PARD3B: variants seen among roughly 807,000 people sequenced by gnomAD.
PARD3B encodes par-3 family cell polarity regulator beta.
In PARD3B, 103 loss-of-function variants were observed where a neutral mutation model predicts 130.2. The ratio of observed to expected loss-of-function variants is 0.79; its 90% CI spans 0.67 to 0.93. The LOEUF (loss-of-function observed/expected upper bound fraction) is 0.93, where lower values mean the gene tolerates loss of function less well. Ranked by LOEUF, PARD3B falls within the 40% of genes least tolerant of loss-of-function variation. The pLI is 0.00. For missense variants in PARD3B, 1,609 were observed against 1,499.2 expected (o/e 1.07, Z -1.21); for synonymous variants, 583 against 553.2 (o/e 1.05, Z -0.76).
intron 3 of PARD3B, among the ~76,000 whole-genome samples, chr2:204,992,029 C>T (rs1693750182): frequency 6.6e-6 from 1 of 151,898 alleles, no homozygotes; most frequent in Non-Finnish European, 1.5e-5. Context: ...TTGTAGGTTG[C>T]CTGTTTACTC....
At chr2:204,991,720 A>G (rs1244143988) in intron 3 of PARD3B, among the ~76,000 whole-genome samples, 2 of 151,514 alleles carry the variant, frequency 1.3e-5, no homozygotes, top group Admixed American at 6.6e-5. Context: ...CTATTTCTCC[A>G]CATCCTCTCC....
chr2:205,422,002 C>T (rs932505919), intron 19 of PARD3B, among the ~76,000 whole-genome samples: 1 of 152,140 alleles, frequency 6.6e-6, no homozygotes, highest in Non-Finnish European at 1.5e-5. Flanking sequence ...ATAGACAAGT[C>T]AAACAAGGAC....
intron 20 of PARD3B, among the ~76,000 whole-genome samples, chr2:205,485,573 T>A (rs1575137434): frequency 6.6e-6 from 1 of 152,188 alleles, no homozygotes; most frequent in Admixed American, 6.5e-5. Context: ...AGAGCTAGCG[T>A]CTCCCAGAGT....
At chr2:205,212,308 G>A (rs137950891) in intron 15 of PARD3B, among the ~76,000 whole-genome samples, 2 of 152,228 alleles carry the variant, frequency 1.3e-5, no homozygotes, top group African/African-American at 4.8e-5. Context: ...ACAACCATTA[G>A]TGCATGTTTT....
intron 3 of PARD3B, among the ~76,000 whole-genome samples, chr2:205,023,941 G>A (rs993575864): frequency 1.3e-5 from 2 of 152,006 alleles, no homozygotes; most frequent in Non-Finnish European, 2.9e-5. Context: ...TTTGAATCCT[G>A]TTTCTACCAT....
In PARD3B at chr2:205,078,385, T is replaced by C. The variant is rs1701201129; in HGVS notation, c.505-26041T>C. Among the ~76,000 whole-genome samples, 1 of 152,204 alleles carries C rather than the reference T, an allele frequency of 6.6e-6. No homozygotes were observed. On this transcript the variant is annotated intron_variant, in intron 4 of 22. Transcript: ENST00000406610. This position sits in a 1 kb window ranked among gnomAD's most constrained non-coding sequence, Gnocchi z 4.0. ...ATTGTATGGTTTTCCTTTTATGTTT[T>C]CAGGTGAGAGTATTTCTTTTCTAAA...
At chr2:205,104,596 AC>A in intron 5 of PARD3B, 82 bp downstream of exon 5, 1 of 977,700 alleles carries the variant, frequency 1.0e-6, no homozygotes, top group Non-Finnish European at 1.6e-6. Context: ...TTCTTACTTT[AC>A]AAGAAAGATC....
rs1401555088 is a variant in PARD3B, at chr2:205,265,948, T to C, written c.2185+20126T>C. 6.6e-6 allele frequency among the ~76,000 whole-genome samples: 1 copy of C among 152,076 alleles called. No individual in the cohort carries two copies. Among genetic ancestry groups the C allele is most frequent in the African/African-American group, 2.4e-5 (1 of 41,436 alleles). On this transcript the variant is annotated intron_variant, in intron 16 of 22. Transcript: ENST00000406610. This position sits in a 1 kb window ranked among gnomAD's most constrained non-coding sequence, Gnocchi z 4.3. ...TTGAGAGAAGGGCTTTTGATTTTTG[T>C]TAAAAGCAGCATGCACATCCTATAA...
At chr2:205,344,925 C>A (rs2043694515) in intron 18 of PARD3B, among the ~76,000 whole-genome samples, 1 of 152,096 alleles carries the variant, frequency 6.6e-6, no homozygotes, top group Admixed American at 6.5e-5. Context: ...TTTAACTCTT[C>A]CTCCCCCTTC....
chr2:205,401,039 G>C lies in PARD3B; in HGVS notation c.2657G>C (p.Gly886Ala), dbSNP rs748654305. 3.4e-5 allele frequency: 54 copies of C among 1,601,598 alleles called. No homozygotes were observed. Among genetic ancestry groups the C allele is most frequent in the Admixed American group, 2.6e-4 (15 of 58,536 alleles). ...LRFGKKKEDK[G>A]GKAEQKGTLK... is the part of the protein sequence containing the mutation. ...TTTGGAAAGAAGAAAGAGGATAAGG[G>C]TGGAAAGGCTGAGCAGAAAGGTACT... The change falls in exon 19 of 23, where the codon GGT becomes GCT. Residue 886 changes from glycine (G) to alanine (A), a missense_variant. Coordinates refer to ENST00000406610, the MANE Select transcript of PARD3B (RefSeq NM_001302769.2).
At chr2:204,550,110 A>T (rs2030336014) in intron 1 of PARD3B, among the ~76,000 whole-genome samples, 1 of 152,172 alleles carries the variant, frequency 6.6e-6, no homozygotes, top group Admixed American at 6.6e-5. Flanking sequence ...TAGGGGATTG[A>T]TTCCAGGACT....
rs1303843668 is a variant in PARD3B at position 205,352,930 on chromosome 2, G to A, written c.2631-48083G>A. Among the ~76,000 whole-genome samples the A allele has an allele frequency of 6.6e-6, 1 of 152,134 alleles. No individual in the cohort carries two copies. Among genetic ancestry groups the A allele is most frequent in the Non-Finnish European group, 1.5e-5 (1 of 68,026 alleles). ...CACATCATATGGAGAAAGAACCAAT[G>A]TTTCATCTTTCTGTTTTTCAGAAGT... On this transcript the variant is annotated intron_variant, in intron 18 of 22. Coordinates refer to ENST00000406610, the MANE Select transcript of PARD3B (RefSeq NM_001302769.2). This position sits in a 1 kb window ranked among gnomAD's most constrained non-coding sequence, Gnocchi z 5.2.
chr2:204,800,564 C>T (rs1054193058), intron 2 of PARD3B, among the ~76,000 whole-genome samples: 37 of 152,056 alleles, frequency 2.4e-4, no homozygotes, highest in African/African-American at 8.7e-4. Flanking sequence ...AGTCCAAAAA[C>T]GACCTCAAGG....
chr2:205,083,399 A>G lies in PARD3B; in HGVS notation c.505-21027A>G, dbSNP rs114336199. On this transcript the variant is annotated intron_variant, in intron 4 of 22. Transcript: ENST00000406610. Reference sequence around the variant, plus strand: ...AAATTCATCTAGTCTTAAACTAAGTAAGAATGGTATGAAAGGATGAACAAT... The same window carrying G: ...AAATTCATCTAGTCTTAAACTAAGTGAGAATGGTATGAAAGGATGAACAAT... 3.5e-3 allele frequency among the ~76,000 whole-genome samples: 531 copies of G among 152,126 alleles called. 3 individuals carry two copies. The highest frequency in any genetic ancestry group is 0.012 in the African/African-American group (498 of 41,550).
chr2:205,189,289 C>G (rs748073285), intron 14 of PARD3B, among the ~76,000 whole-genome samples: 1 of 152,162 alleles, frequency 6.6e-6, no homozygotes, highest in Non-Finnish European at 1.5e-5. Flanking sequence ...TCTTCATCCC[C>G]CACCTTTTCA....
chr2:204,954,205 C>T (rs1218080451), intron 2 of PARD3B, among the ~76,000 whole-genome samples: 3 of 152,314 alleles, frequency 2.0e-5, no homozygotes, highest in East Asian at 3.9e-4. Flanking sequence ...CACTTCCACT[C>T]AGACAGAAGG....
At chr2:205,449,224 A>C (rs2048015426) in intron 20 of PARD3B, among the ~76,000 whole-genome samples, 1 of 148,784 alleles carries the variant, frequency 6.7e-6, no homozygotes, top group South Asian at 2.1e-4. Flanking sequence ...AATCTTAGAG[A>C]CCGCTTTTTT....
At position 205,120,807 on chromosome 2, in the gene PARD3B, G is replaced by A. The variant is rs569363352; in HGVS notation, c.807-784G>A. Among the ~76,000 whole-genome samples, 19 of 152,298 alleles carry A rather than the reference G, an allele frequency of 1.2e-4. No homozygotes were observed. The South Asian group carries it at 3.1e-3, about 25-fold the overall frequency. On this transcript the variant is annotated intron_variant, in intron 7 of 22. Transcript: ENST00000406610. Reference sequence around the variant, plus strand: ...TTTTTGTCTCTCTACTGAACCAGCCGCTTCTAAAGAGCTTTCCTTTAACGC... The same window carrying A: ...TTTTTGTCTCTCTACTGAACCAGCCACTTCTAAAGAGCTTTCCTTTAACGC...
intron 2 of PARD3B, among the ~76,000 whole-genome samples, chr2:204,861,647 G>T (rs899993157): frequency 1.3e-5 from 2 of 152,068 alleles, no homozygotes; most frequent in Admixed American, 6.6e-5. Context: ...TAACTTTTGA[G>T]AAGTACTCTT....
Sources: allele counts gnomAD v4.1 joint callset (sites outside exome capture counted in the v4.1 genomes callset), GRCh38; gene constraint gnomAD v4.1.1; non-coding constraint Gnocchi (gnomAD v3.1); transcripts MANE v1.5; gene names NCBI Gene and HGNC (gene_info 2026-07-23, HGNC 2026-07-21).